The following SYT1 variants were observed in gnomAD, a reference collection of about 807,000 sequenced individuals.
The protein encoded by SYT1 is synaptotagmin 1, also known as synaptotagmin-1.
In SYT1, 8 loss-of-function variants were observed where a neutral mutation model predicts 44.8. The observed-to-expected ratio is 0.18, with a 90% CI of 0.10 to 0.32. The LOEUF (loss-of-function observed/expected upper bound fraction) is 0.32. SYT1 is among the 10% of genes least tolerant of loss of function. The pLI, the probability that SYT1 is intolerant of heterozygous loss-of-function variation, is 1.00. For synonymous variants in SYT1, 154 were observed against 188.8 expected (o/e 0.82, Z 1.51); for missense variants, 286 against 509.3 (o/e 0.56, Z 4.22).
chr12:79,341,563 T>C (rs946376809), intron 8 of SYT1, among the ~76,000 whole-genome samples: 4 of 151,672 alleles, frequency 2.6e-5, no homozygotes, highest in Admixed American at 2.6e-4. Context: ...AAATGTAGTC[T>C]AGCTGTGTTC....
chr12:79,374,113 A>G (rs1259030977), intron 9 of SYT1, among the ~76,000 whole-genome samples: 2 of 152,188 alleles, frequency 1.3e-5, no homozygotes, highest in African/African-American at 4.8e-5. Flanking sequence ...GGAAACCTTG[A>G]GTACTGCGTG....
At chr12:79,139,758 G>C (rs11829921) in intron 3 of SYT1, among the ~76,000 whole-genome samples, 20,582 of 152,088 alleles carry the variant, frequency 0.14, 1,847 homozygotes, top group African/African-American at 0.25. Flanking sequence ...ACACATTTTT[G>C]TCTTTGATTT....
chr12:79,243,838 A>G lies in SYT1; in HGVS notation c.166+26153A>G, dbSNP rs1876658678. 2.0e-5 allele frequency among the ~76,000 whole-genome samples: 3 copies of G among 151,906 alleles called. No homozygotes were observed. In the South Asian group the frequency reaches 6.2e-4, roughly 32 times the overall value. ...GGAGGGAAGGAAAAAAGAGAGGAAGAAAAAAGGAAGAAAGGAAGGTGAGAT... is the reference window on the plus strand; with the variant it reads ...GGAGGGAAGGAAAAAAGAGAGGAAGGAAAAAGGAAGAAAGGAAGGTGAGAT... On this transcript the variant is annotated intron_variant, in intron 4 of 10. Transcript: ENST00000261205.
intron 3 of SYT1, among the ~76,000 whole-genome samples, chr12:79,210,047 T>C (rs1352984031): frequency 6.6e-6 from 1 of 152,208 alleles, no homozygotes; most frequent in African/African-American, 2.4e-5. Flanking sequence ...TGTCTAAAAA[T>C]CATGATGCTA....
At chr12:79,311,625 C>T (rs1344788351) in intron 8 of SYT1, among the ~76,000 whole-genome samples, 68 of 138,642 alleles carry the variant, frequency 4.9e-4, no homozygotes, top group South Asian at 1.0e-3. Context: ...ACCCAAATGT[C>T]CAACAATGAT....
chr12:79,022,234 G>A (rs1487012560), intron 2 of SYT1, among the ~76,000 whole-genome samples: 1 of 151,786 alleles, frequency 6.6e-6, no homozygotes, highest in African/African-American at 2.4e-5. Flanking sequence ...AACAGACTGA[G>A]TCTCTTAGAT....
At chr12:79,400,445 C>T (rs950394448) in intron 9 of SYT1, among the ~76,000 whole-genome samples, 2 of 152,162 alleles carry the variant, frequency 1.3e-5, no homozygotes, top group East Asian at 3.9e-4. Context: ...AGTTATTGAT[C>T]TCCCTGTCAA....
At chr12:79,071,532 A>G (rs1876276882) in intron 3 of SYT1, among the ~76,000 whole-genome samples, 1 of 152,214 alleles carries the variant, frequency 6.6e-6, no homozygotes, top group Admixed American at 6.6e-5. Flanking sequence ...GTTTGCTACC[A>G]TAACAAACCA....
intron 4 of SYT1, among the ~76,000 whole-genome samples, chr12:79,275,084 C>A (rs1042777079): frequency 6.6e-6 from 1 of 152,028 alleles, no homozygotes; most frequent in Non-Finnish European, 1.5e-5. Context: ...GACTGCCACT[C>A]CTAGGGGAAA....
At chr12:79,092,636 T>C (rs1056404973) in intron 3 of SYT1, among the ~76,000 whole-genome samples, 2 of 151,784 alleles carry the variant, frequency 1.3e-5, no homozygotes, top group African/African-American at 4.8e-5. Context: ...GATGTTGGGT[T>C]AGTAGTTTTT....
chr12:79,205,652 A>C (rs747726886), intron 3 of SYT1, among the ~76,000 whole-genome samples: 5 of 152,194 alleles, frequency 3.3e-5, no homozygotes, highest in Non-Finnish European at 7.4e-5. Flanking sequence ...TCACTTTAGT[A>C]ATTCAGTACT....
At chr12:79,375,830 C>G in intron 9 of SYT1, among the ~76,000 whole-genome samples, 1 of 152,080 alleles carries the variant, frequency 6.6e-6, no homozygotes, top group African/African-American at 2.4e-5. Flanking sequence ...GCGCCTGACT[C>G]AAAAGTACCT....
At chr12:79,055,560 T>A (rs1268586083) in intron 3 of SYT1, among the ~76,000 whole-genome samples, 4 of 152,008 alleles carry the variant, frequency 2.6e-5, no homozygotes, top group Admixed American at 2.0e-4. Flanking sequence ...TAATTAAGAA[T>A]GTTTGCACTG....
At chr12:79,418,048 CTCTT>C (rs1301875050) in intron 9 of SYT1, among the ~76,000 whole-genome samples, 1 of 152,104 alleles carries the variant, frequency 6.6e-6, no homozygotes, top group East Asian at 1.9e-4. Flanking sequence ...ACAAAGCGTC[CTCTT>C]TCTAATGTTT....
At chr12:79,302,883 G>C (rs1414439226) in intron 8 of SYT1, among the ~76,000 whole-genome samples, 1 of 152,090 alleles carries the variant, frequency 6.6e-6, no homozygotes, top group Non-Finnish European at 1.5e-5. Context: ...ACAGAAATAT[G>C]TATCCTCTGA....
chr12:79,326,305 G>A (rs775886033), intron 8 of SYT1, among the ~76,000 whole-genome samples: 5 of 152,084 alleles, frequency 3.3e-5, no homozygotes, highest in African/African-American at 7.2e-5. Flanking sequence ...ATATTAACAC[G>A]CCTTTGTGAG....
chr12:78,985,548 T>A (rs1319593102), intron 2 of SYT1, among the ~76,000 whole-genome samples: 2 of 151,686 alleles, frequency 1.3e-5, no homozygotes, highest in Non-Finnish European at 2.9e-5. Context: ...GACAGAATTG[T>A]CACCCTGATC....
chr12:79,273,046 A>G (rs934516852), intron 4 of SYT1, among the ~76,000 whole-genome samples: 1 of 152,090 alleles, frequency 6.6e-6, no homozygotes, highest in African/African-American at 2.4e-5. Context: ...CCCCCAAGAT[A>G]GCGGATTGGA....
chr12:79,077,281 CT>C (rs1256801595), intron 3 of SYT1, among the ~76,000 whole-genome samples: 2 of 152,138 alleles, frequency 1.3e-5, no homozygotes, highest in African/African-American at 4.8e-5. Flanking sequence ...TGCCATCCAC[CT>C]AATTCTGATA....
Sources: allele counts gnomAD v4.1 joint callset (sites outside exome capture counted in the v4.1 genomes callset), GRCh38; gene constraint gnomAD v4.1.1; transcripts MANE v1.5; gene names NCBI Gene and HGNC (gene_info 2026-07-23, HGNC 2026-07-21).